ZFHX4: variants seen among roughly 807,000 people sequenced by gnomAD.
ZFHX4 encodes zinc finger homeobox 4.
A neutral mutation model predicts 267.6 loss-of-function variants in ZFHX4; 56 were observed. The observed-to-expected ratio is 0.21, with a 90% CI of 0.17 to 0.26. ZFHX4 has a LOEUF of 0.26. Ranked by LOEUF, ZFHX4 falls within the 10% of genes least tolerant of loss-of-function variation. The pLI is 1.00. For missense variants in ZFHX4, 4,332 were observed against 4,420.0 expected (o/e 0.98, Z 0.56); for synonymous variants, 1,778 against 1,665.6 (o/e 1.07, Z -1.64).
intron 3 of ZFHX4, among the ~76,000 whole-genome samples, chr8:76,717,384 T>C (rs541671392): frequency 1.9e-4 from 29 of 152,272 alleles, no homozygotes; most frequent in African/African-American, 6.3e-4. Context: ...GACTTAGAGA[T>C]GTTTGGAGAA....
At position 76,863,212 on chromosome 8, in the gene ZFHX4, ACCTCCTCCTCCT is replaced by A. The variant is rs199874527; in HGVS notation, c.9508_9519del (p.Pro3170_Pro3173del). The A allele has an allele frequency of 2.5e-6, 4 of 1,572,566 alleles. No homozygotes were observed. Among genetic ancestry groups the A allele is most frequent in the African/African-American group, 1.4e-5 (1 of 73,372 alleles). ...TGCTGCAGACTCCACCACCTCCACC[ACCTCCTCCTCCT>A]CCTCCTCCTTCATCCTCTCTGTCAG... is the stretch of plus-strand genomic sequence containing the variant. On this transcript the variant is annotated inframe_deletion, in exon 11 of 11. Transcript: ENST00000651372.
Position 76,784,917 on chromosome 8 carries a change from A to G in ZFHX4, c.3325+6478A>G, listed in dbSNP as rs570607645. On this transcript the variant is annotated intron_variant, in intron 4 of 10. Transcript: ENST00000651372. ...ATGCATTACTTGATCAGTTGGTGTC[A>G]TTAAAATGACAAAGTTCTACAAAAT... 3.9e-5 allele frequency among the ~76,000 whole-genome samples: 6 copies of G among 152,248 alleles called. No homozygotes were observed. The East Asian group carries it at 7.7e-4, about 20-fold the overall frequency.
intron 1 of ZFHX4, among the ~76,000 whole-genome samples, chr8:76,698,447 C>A (rs1374697317): frequency 6.6e-6 from 1 of 152,082 alleles, no homozygotes; most frequent in Non-Finnish European, 1.5e-5. Context: ...CTATTGGACT[C>A]ATTGGTAAAG....
chr8:76,855,144 T>C lies in ZFHX4; in HGVS notation c.8223T>C (p.Asp2741=). 1.9e-6 allele frequency: 3 copies of C among 1,613,630 alleles called. No homozygotes were observed. Among genetic ancestry groups the C allele is most frequent in the Non-Finnish European group, 2.5e-6 (3 of 1,179,754 alleles). ...DYPSLPLTKI[D]LSSENELAST... ...CATCTTTGCCATTAACTAAAATTGA[T>C]CTATCAAGTGAGAATGAATTGGCTT... Residue 2741 remains aspartate, a synonymous_variant, in exon 10 of 11, where the codon GAT becomes GAC. Coordinates refer to ENST00000651372, the MANE Select transcript of ZFHX4 (RefSeq NM_024721.5).
intron 4 of ZFHX4, among the ~76,000 whole-genome samples, chr8:76,814,104 C>T (rs1463453638): frequency 6.6e-6 from 1 of 152,036 alleles, no homozygotes; most frequent in Non-Finnish European, 1.5e-5. Flanking sequence ...CAGAGTCTCA[C>T]ACTGTCACCC....
At chr8:76,808,240 A>C (rs1453733174) in intron 4 of ZFHX4, among the ~76,000 whole-genome samples, 1 of 152,176 alleles carries the variant, frequency 6.6e-6, no homozygotes, top group Non-Finnish European at 1.5e-5. Flanking sequence ...CACAGTTTTA[A>C]AATGTGCCAT....
chr8:76,833,283 A>T lies in ZFHX4; in HGVS notation c.3326-55A>T, dbSNP rs145555370. On this transcript the variant is annotated intron_variant, in intron 4 of 10. Transcript: ENST00000651372. ...TTGGGTTCTTGTAATATTAGCCATG[A>T]TGAGAGAGCTGGATATGGCATGCTG... The T allele has an allele frequency of 6.4e-4, 956 of 1,496,096 alleles. 4 individuals are homozygous for T. In the African/African-American group the frequency reaches 0.012, roughly 18 times the overall value. 92.7% of individuals were successfully genotyped at this position (1,496,096 alleles called of 1,614,324 possible). A position where few individuals can be genotyped will look rare whatever the true frequency, so the allele number is the denominator to read the frequency against.
At chr8:76,857,490 C>T (rs1812764487) in intron 10 of ZFHX4, among the ~76,000 whole-genome samples, 1 of 151,726 alleles carries the variant, frequency 6.6e-6, no homozygotes, top group Non-Finnish European at 1.5e-5. Context: ...AACAAAATTG[C>T]CACTGTGATC....
In ZFHX4 at chr8:76,863,078, C is replaced by G. The variant is rs145834002; in HGVS notation, c.9380-16C>G. ...CTGTACATTGACAGTGGCCATCTCT[C>G]TGTTGTTGTTTTCAGCTTTAACACC... On this transcript the variant is annotated splice_polypyrimidine_tract_variant and intron_variant, in intron 10 of 10. Transcript: ENST00000651372. 4,411 of 1,493,280 alleles carry G rather than the reference C, an allele frequency of 3.0e-3. 11 individuals are homozygous for G. The highest frequency in any genetic ancestry group is 3.7e-3 in the Middle Eastern group (21 of 5,662). 92.5% of individuals were successfully genotyped at this position (1,493,280 alleles called of 1,614,324 possible).
intron 3 of ZFHX4, among the ~76,000 whole-genome samples, chr8:76,727,602 C>T (rs1437407613): frequency 6.6e-6 from 1 of 152,130 alleles, no homozygotes; most frequent in East Asian, 1.9e-4. Context: ...TTTCAGAAAC[C>T]AGCTAAAACA....
At chr8:76,686,068 A>G (rs1255923302) in intron 1 of ZFHX4, among the ~76,000 whole-genome samples, 2 of 152,200 alleles carry the variant, frequency 1.3e-5, no homozygotes, top group African/African-American at 2.4e-5. Context: ...AATCTTGGGA[A>G]GGCCTACTGT....
intron 3 of ZFHX4, among the ~76,000 whole-genome samples, chr8:76,753,384 A>T (rs1240001892): frequency 6.6e-6 from 1 of 152,140 alleles, no homozygotes; most frequent in East Asian, 1.9e-4. Flanking sequence ...CTCCATTAGC[A>T]ATTAATTTAT....
At chr8:76,703,981 C>CT in intron 1 of ZFHX4, 62 bp from the exon 2 acceptor site, 1 of 1,115,726 alleles carries the variant, frequency 9.0e-7, no homozygotes, top group South Asian at 1.7e-5. Context: ...TAGTGATGGG[C>CT]TATTAGTGAG....
intron 3 of ZFHX4, among the ~76,000 whole-genome samples, chr8:76,735,137 T>C (rs2131670237): frequency 6.6e-6 from 1 of 152,232 alleles, no homozygotes; most frequent in Non-Finnish European, 1.5e-5. Flanking sequence ...GGAAGAAATT[T>C]GATCTTTTAC....
At chr8:76,797,886 A>G (rs866168769) in intron 4 of ZFHX4, among the ~76,000 whole-genome samples, 5,339 of 140,192 alleles carry the variant, frequency 0.038, 134 homozygotes, top group African/African-American at 0.075. Flanking sequence ...GTGTGTCTGT[A>G]TGTGTGTGTG....
intron 3 of ZFHX4, among the ~76,000 whole-genome samples, chr8:76,725,390 A>C (rs1808825769): frequency 6.6e-6 from 1 of 152,136 alleles, no homozygotes; most frequent in South Asian, 2.1e-4. Context: ...ACTGGCCACA[A>C]GAGCTACGTT....
intron 5 of ZFHX4, among the ~76,000 whole-genome samples, chr8:76,842,361 T>C (rs1812256877): frequency 6.6e-6 from 1 of 152,216 alleles, no homozygotes; most frequent in South Asian, 2.1e-4. Flanking sequence ...AATTGCCTTA[T>C]ACCCAATTTT....
chr8:76,789,454 T>A (rs1810778192), intron 4 of ZFHX4, among the ~76,000 whole-genome samples: 1 of 152,196 alleles, frequency 6.6e-6, no homozygotes, highest in Non-Finnish European at 1.5e-5. Flanking sequence ...TGTTTTTAGC[T>A]TTCTGCATTA....
chr8:76,782,187 A>G (rs1021706326), intron 4 of ZFHX4: 2 of 432,464 alleles, frequency 4.6e-6, no homozygotes, highest in Non-Finnish European at 9.1e-6. Flanking sequence ...TTTCCTCTGT[A>G]CAGAGCCCAA....
Sources: allele counts gnomAD v4.1 joint callset (sites outside exome capture counted in the v4.1 genomes callset), GRCh38; gene constraint gnomAD v4.1.1; transcripts MANE v1.5; gene names NCBI Gene and HGNC (gene_info 2026-07-23, HGNC 2026-07-21).